Variants in KLF12 observed in about 807,000 individuals in gnomAD.
KLF12 encodes Krueppel-like factor 12.
A neutral mutation model predicts 37.8 loss-of-function variants in KLF12; 9 were observed. The observed-to-expected ratio is 0.24, with a 90% CI of 0.14 to 0.42. The LOEUF (loss-of-function observed/expected upper bound fraction) is 0.42. KLF12 is among the 10% of genes least tolerant of loss of function. KLF12 has a pLI of 1.00. For synonymous variants in KLF12, 208 were observed against 202.1 expected, an observed-to-expected ratio of 1.03 and a Z score of -0.25; for missense variants, 411 against 516.0, an observed-to-expected ratio of 0.80 and a Z score of 1.97.
At chr13:74,048,263 T>C (rs932450976) in intron 1 of KLF12, among the ~76,000 whole-genome samples, 1 of 152,230 alleles carries the variant, frequency 6.6e-6, no homozygotes, top group Non-Finnish European at 1.5e-5. Context: ...ATCTTTATTC[T>C]AAGCAGCCAC....
At chr13:73,766,057 C>T (rs1879892532) in intron 5 of KLF12, among the ~76,000 whole-genome samples, 2 of 152,178 alleles carry the variant, frequency 1.3e-5, no homozygotes, top group African/African-American at 4.8e-5. Context: ...AGCCAGACTG[C>T]ACTTTGCACT....
chr13:74,188,905 G>A, the KLF12 span, among the ~76,000 whole-genome samples: 2 of 152,156 alleles, frequency 1.3e-5, no homozygotes, highest in African/African-American at 4.8e-5. Flanking sequence ...GCGGAGACAC[G>A]AGAATTGCTT....
chr13:74,244,449 A>T, the KLF12 span, among the ~76,000 whole-genome samples: 4 of 152,222 alleles, frequency 2.6e-5, no homozygotes, highest in Admixed American at 1.3e-4. Context: ...CACCAAGCTT[A>T]CACCATCACA....
intron 3 of KLF12, among the ~76,000 whole-genome samples, chr13:73,871,528 A>G (rs1241705812): frequency 6.6e-6 from 1 of 152,180 alleles, no homozygotes; most frequent in Non-Finnish European, 1.5e-5. Flanking sequence ...TGCACATTCT[A>G]AGTTCCTGAA....
At chr13:74,072,939 T>C (rs973598654) in intron 1 of KLF12, among the ~76,000 whole-genome samples, 4 of 152,188 alleles carry the variant, frequency 2.6e-5, no homozygotes, top group Admixed American at 2.0e-4. Context: ...GATCCCCACA[T>C]GTCATGGGAG....
At chr13:74,045,646 G>A (rs1384135711) in intron 1 of KLF12, among the ~76,000 whole-genome samples, 1 of 149,498 alleles carries the variant, frequency 6.7e-6, no homozygotes, top group African/African-American at 2.5e-5. Context: ...AAAAAAAATA[G>A]ATCCCCAGCC....
intron 6 of KLF12, among the ~76,000 whole-genome samples, chr13:73,750,918 A>G (rs956191676): frequency 6.6e-6 from 1 of 152,204 alleles, no homozygotes; most frequent in Non-Finnish European, 1.5e-5. Context: ...AGTGAGATGG[A>G]AAGAGTTATG....
chr13:74,120,476 T>G (rs1877565353), intron 1 of KLF12, among the ~76,000 whole-genome samples: 1 of 151,588 alleles, frequency 6.6e-6, no homozygotes, highest in South Asian at 2.1e-4. Context: ...CGAGACTGTC[T>G]CAAAAAAATA....
intron 6 of KLF12, among the ~76,000 whole-genome samples, chr13:73,735,996 A>G (rs1877436028): frequency 6.7e-6 from 1 of 149,666 alleles, no homozygotes; most frequent in African/African-American, 2.5e-5. Context: ...CCATGTTTTA[A>G]TAATAACCAG....
the KLF12 span, among the ~76,000 whole-genome samples, chr13:74,282,948 AT>A: frequency 2.0e-5 from 3 of 152,156 alleles, no homozygotes; most frequent in South Asian, 6.2e-4. Flanking sequence ...TCATATTTTG[AT>A]TTTCAATGTG....
At chr13:74,074,928 A>G (rs942732839) in intron 1 of KLF12, among the ~76,000 whole-genome samples, 1 of 152,234 alleles carries the variant, frequency 6.6e-6, no homozygotes, top group African/African-American at 2.4e-5. Context: ...TGAAGCACAC[A>G]GCACAGCAGT....
At chr13:73,786,666 T>C (rs1383198961) in intron 5 of KLF12, among the ~76,000 whole-genome samples, 1 of 150,928 alleles carries the variant, frequency 6.6e-6, no homozygotes, top group African/African-American at 2.4e-5. Context: ...GAGGATTGCT[T>C]GAGCCCAGGA....
intron 3 of KLF12, among the ~76,000 whole-genome samples, chr13:73,853,885 T>C (rs1885467809): frequency 6.6e-6 from 1 of 152,192 alleles, no homozygotes; most frequent in Non-Finnish European, 1.5e-5. Context: ...AACTAGGGAA[T>C]ATACATCACA....
rs528406677 is a variant in KLF12, at chr13:74,025,014, A to G, written c.-31-29961T>C. ...CTCAGAGAGAAAAAAAATCTCTTCT[A>G]TTTACTAAGCTGACAGGTACTTTGA... On this transcript the variant is annotated intron_variant, in intron 1 of 7. Transcript: ENST00000377669. 3.9e-5 allele frequency among the ~76,000 whole-genome samples: 6 copies of G among 152,320 alleles called. No homozygotes were observed. In the South Asian group the frequency reaches 1.0e-3, roughly 26 times the overall value.
At chr13:74,169,950 G>A in the KLF12 span, among the ~76,000 whole-genome samples, 2 of 152,116 alleles carry the variant, frequency 1.3e-5, no homozygotes, top group African/African-American at 4.8e-5. Flanking sequence ...CCACCTTTAT[G>A]AGAGTCAAAT....
At chr13:73,943,551 T>C (rs1020799127) in intron 3 of KLF12, among the ~76,000 whole-genome samples, 3 of 152,192 alleles carry the variant, frequency 2.0e-5, no homozygotes, top group Admixed American at 1.3e-4. Context: ...CAAGTACAAA[T>C]GTCAAAAGAG....
chr13:73,796,475 T>A (rs1430061918), intron 5 of KLF12, among the ~76,000 whole-genome samples: 1 of 151,688 alleles, frequency 6.6e-6, no homozygotes, highest in Non-Finnish European at 1.5e-5. Flanking sequence ...TCTCCCTCTC[T>A]CCCTGTCTGT....
intron 1 of KLF12, among the ~76,000 whole-genome samples, chr13:74,072,665 T>TC (rs778232799): frequency 6.7e-5 from 6 of 89,818 alleles, no homozygotes; most frequent in African/African-American, 1.8e-4. Flanking sequence ...CTGCAAGCTG[T>TC]GATGGCTCCA....
In KLF12 at chr13:74,017,258, TAAAAAAAAAAAAAA is replaced by T. The variant is rs56321692; in HGVS notation, c.-31-22219_-31-22206del. Among the ~76,000 whole-genome samples the T allele has an allele frequency of 1.3e-3, 58 of 45,602 alleles. 1 individual carries two copies. Among genetic ancestry groups the T allele is most frequent in the African/African-American group, 3.0e-3 (34 of 11,404 alleles). The allele number at this position is 45,602 out of a possible 152,430, so 29.9% of individuals were successfully genotyped here. A position where few individuals can be genotyped will look rare whatever the true frequency, so the allele number is the denominator to read the frequency against. ...AGCGAATAAATAAGTGCCCTCAACCTAAAAAAAAAAAAAAAAAAAAAAAAAAAAAAAAGTCAACA... is the reference window on the plus strand; with the variant it reads ...AGCGAATAAATAAGTGCCCTCAACCTAAAAAAAAAAAAAAAAAAGTCAACA... On this transcript the variant is annotated intron_variant, in intron 1 of 7. Transcript: ENST00000377669.
Sources: allele counts gnomAD v4.1 joint callset (sites outside exome capture counted in the v4.1 genomes callset), GRCh38; gene constraint gnomAD v4.1.1; transcripts MANE v1.5; gene names NCBI Gene and HGNC (gene_info 2026-07-23, HGNC 2026-07-21).